Variants in TOR1AIP2 observed in about 807,000 individuals in gnomAD.
TOR1AIP2 encodes the protein torsin 1A interacting protein 2, also known as torsin-1A-interacting protein 2.
A neutral mutation model predicts 32.6 loss-of-function variants in TOR1AIP2; 20 were observed. The observed-to-expected ratio is 0.61, with a 90% CI of 0.43 to 0.89. The LOEUF is 0.89. Ranked by LOEUF, TOR1AIP2 falls within the 40% of genes least tolerant of loss-of-function variation. The pLI, the probability that TOR1AIP2 is intolerant of heterozygous loss-of-function variation, is 0.00. For synonymous variants in TOR1AIP2, 214 were observed against 210.8 expected, an observed-to-expected ratio of 1.02 and a Z score of -0.13; for missense variants, 456 against 553.8, an observed-to-expected ratio of 0.82 and a Z score of 1.77.
At chr1:179,851,491 T>C (rs560090222) in intron 4 of TOR1AIP2, 128 bp from the exon 5 acceptor site, 2 of 691,264 alleles carry the variant, frequency 2.9e-6, no homozygotes, top group African/African-American at 3.7e-5. Context: ...TCCTAAACAT[T>C]ATTTCTCTTG....
rs1178415273 is a variant in TOR1AIP2 at position 179,877,737 on chromosome 1, G to C, written c.-745C>G. The stretch of plus-strand genomic sequence containing the variant: ...AATCGTAAAACTGTTAGTATCAGGA[G>C]AGCCCTTCGAGTATTCTCTCCGCTC... On this transcript the variant is annotated 5_prime_UTR_variant, in exon 1 of 7. Transcript: ENST00000609928. 1.3e-5 allele frequency: 2 copies of C among 152,134 alleles called. No homozygotes were observed. The highest frequency in any genetic ancestry group is 2.9e-5 in the Non-Finnish European group (2 of 68,040). The allele number at this position is 152,134 out of a possible 1,614,324, so 9.4% of individuals were successfully genotyped here. A position where few individuals can be genotyped will look rare whatever the true frequency, so the allele number is the denominator to read the frequency against.
chr1:179,861,187 G>A (rs1696516022), intron 3 of TOR1AIP2: 15 of 985,304 alleles, frequency 1.5e-5, no homozygotes, highest in Admixed American at 1.2e-4. Context: ...AGAGACGAGT[G>A]TAGCTCACAC....
intron 3 of TOR1AIP2, among the ~76,000 whole-genome samples, chr1:179,853,438 G>A (rs1696188193): frequency 1.3e-5 from 2 of 152,006 alleles, no homozygotes; most frequent in Non-Finnish European, 2.9e-5. Context: ...TACACAAAAG[G>A]AATCAAAATC....
chr1:179,862,319 T>C (rs1696571515), intron 3 of TOR1AIP2: 1 of 984,116 alleles, frequency 1.0e-6, no homozygotes, highest in African/African-American at 1.7e-5. Flanking sequence ...GCAATAATAC[T>C]GATCATAATA....
chr1:179,862,204 A>C (rs1696565066), intron 3 of TOR1AIP2: 1 of 983,360 alleles, frequency 1.0e-6, no homozygotes, highest in Non-Finnish European at 1.2e-6. Context: ...AAAAACAAAA[A>C]CCTTTTCTCT....
At chr1:179,859,124 G>C (rs1696415186) in intron 3 of TOR1AIP2, 10 of 983,646 alleles carry the variant, frequency 1.0e-5, no homozygotes, top group Non-Finnish European at 1.2e-5. Flanking sequence ...CTGGTATCTT[G>C]GCCCTGAAAC....
chr1:179,873,117 T>C (rs1489936065), intron 2 of TOR1AIP2, among the ~76,000 whole-genome samples: 1 of 152,236 alleles, frequency 6.6e-6, no homozygotes, highest in East Asian at 1.9e-4. Context: ...TCTTTACCTG[T>C]CATTTGTGAC....
intron 2 of TOR1AIP2, chr1:179,868,195 C>T (rs1302967047): frequency 6.6e-6 from 1 of 152,242 alleles, no homozygotes; most frequent in Non-Finnish European, 1.5e-5. Flanking sequence ...TATCCCATCC[C>T]CTTAGCCTCA....
At position 179,842,046 on chromosome 1, in the gene TOR1AIP2, C is replaced by G. The variant is rs1190398535; in HGVS notation, c.*4025G>C. ...GGAAACCCCGTCTCTACCAAAAATA[C>G]AAAAATTAGCTGGGCGTGATGGCAC... On this transcript the variant is annotated 3_prime_UTR_variant, in exon 7 of 7. Transcript: ENST00000609928. The G allele has an allele frequency of 6.6e-6, 1 of 152,200 alleles. No individual in the cohort carries two copies. Among genetic ancestry groups the G allele is most frequent in the Non-Finnish European group, 1.5e-5 (1 of 68,066 alleles). 9.4% of individuals were successfully genotyped at this position (152,200 alleles called of 1,614,324 possible). A position where few individuals can be genotyped will look rare whatever the true frequency, so the allele number is the denominator to read the frequency against.
intron 3 of TOR1AIP2, among the ~76,000 whole-genome samples, chr1:179,856,365 G>A (rs1038443406): frequency 1.3e-5 from 2 of 152,138 alleles, no homozygotes; most frequent in African/African-American, 4.8e-5. Context: ...AATCTGCAAA[G>A]GTGCCATCAC....
intron 2 of TOR1AIP2, chr1:179,873,978 C>T (rs1697101361): frequency 6.6e-6 from 1 of 152,202 alleles, no homozygotes; most frequent in East Asian, 1.9e-4. Flanking sequence ...TCTGCTCCCG[C>T]ACTAAATCAG....
chr1:179,843,992 A>AC lies in TOR1AIP2; in HGVS notation c.*2078dup, dbSNP rs1695811200. On this transcript the variant is annotated 3_prime_UTR_variant, in exon 7 of 7. Transcript: ENST00000609928. ...TTATTTTGAAGAGAAATGATGAAAAACCATATTCAACTGAATGAAGAAACA... is the reference window on the plus strand; with the variant it reads ...TTATTTTGAAGAGAAATGATGAAAAACCCATATTCAACTGAATGAAGAAACA... 1 of 152,106 alleles carries AC rather than the reference A, an allele frequency of 6.6e-6. No homozygotes were observed. The highest frequency in any genetic ancestry group is 2.1e-4 in the South Asian group (1 of 4,830). The allele number at this position is 152,106 out of a possible 1,614,324, so 9.4% of individuals were successfully genotyped here.
In TOR1AIP2 at chr1:179,846,302, C is replaced by T. The variant is rs943277313; in HGVS notation, c.1182G>A (p.Leu394=). ...CCTCCTCTAGCAGAACAGTCAGGAC[C>T]AGGGCCACATCTTTAAAGGCAGCAT... ...HENAAFKDVA[L]VLTVLLEEET... Residue 394 remains leucine, a synonymous_variant, in exon 7 of 7, where the codon CTG becomes CTA. Transcript: ENST00000609928. 1 of 1,614,160 alleles carries T rather than the reference C, an allele frequency of 6.2e-7. No homozygotes were observed. The highest frequency in any genetic ancestry group is 1.3e-5 in the African/African-American group (1 of 75,026).
chr1:179,866,605 A>G (rs866336453), intron 2 of TOR1AIP2, among the ~76,000 whole-genome samples: 1 of 151,988 alleles, frequency 6.6e-6, no homozygotes, highest in Non-Finnish European at 1.5e-5. Context: ...GGCTTTCTCC[A>G]TGTTGGTCAG....
In TOR1AIP2 at chr1:179,846,282, TC is replaced by T. The variant is rs1286799774; in HGVS notation, c.1201del (p.Glu401ArgfsTer5). On this transcript the variant is annotated frameshift_variant, in exon 7 of 7. Coordinates refer to ENST00000609928, the MANE Select transcript of TOR1AIP2 (RefSeq NM_001199260.2). LOFTEE classifies it high-confidence loss of function. The part of the protein sequence containing the change: ...DVALVLTVLL[E>X]EETLEASVGP... The stretch of plus-strand genomic sequence containing the variant: ...TACACTTGCTTCTAATGTTTCCTCC[TC>T]TAGCAGAACAGTCAGGACCAGGGCC... The T allele has an allele frequency of 3.1e-6, 5 of 1,614,200 alleles. No homozygotes were observed. Among genetic ancestry groups the T allele is most frequent in the Non-Finnish European group, 3.4e-6 (4 of 1,180,020 alleles).
intron 3 of TOR1AIP2, chr1:179,864,685 A>C: frequency 6.7e-7 from 1 of 1,496,098 alleles, no homozygotes; most frequent in Non-Finnish European, 8.9e-7. Flanking sequence ...AAGTAGTGAC[A>C]ATCTGGGTCA....
intron 3 of TOR1AIP2, chr1:179,862,864 G>T (rs1304563326): frequency 6.6e-6 from 1 of 152,610 alleles, no homozygotes; most frequent in African/African-American, 2.5e-5. Flanking sequence ...GGAGGTGGAG[G>T]TTACAGTAAG....
intron 2 of TOR1AIP2, chr1:179,868,568 G>A (rs1003552055): frequency 6.6e-6 from 1 of 152,126 alleles, no homozygotes; most frequent in Admixed American, 6.5e-5. Context: ...TAGAGAAACT[G>A]CACCTGTACA....
rs143932347 is a variant in TOR1AIP2, at chr1:179,859,838, T to C, written c.-147+5598A>G. On this transcript the variant is annotated intron_variant, in intron 3 of 6. Coordinates refer to ENST00000609928, the MANE Select transcript of TOR1AIP2 (RefSeq NM_001199260.2). ...AGAGATTTAAGAAGTTTTTTGTTTT[T>C]GTTTTTAGATAAAGGGCCTTACTCT... 6.7e-3 allele frequency: 6,600 copies of C among 985,458 alleles called. 36 individuals carry two copies. The highest frequency in any genetic ancestry group is 0.018 in the South Asian group (388 of 21,282). 61.0% of individuals were successfully genotyped at this position (985,458 alleles called of 1,614,324 possible). A position where few individuals can be genotyped will look rare whatever the true frequency, so the allele number is the denominator to read the frequency against.
Sources: allele counts gnomAD v4.1 joint callset (sites outside exome capture counted in the v4.1 genomes callset), GRCh38; gene constraint gnomAD v4.1.1; transcripts MANE v1.5; gene names NCBI Gene and HGNC (gene_info 2026-07-23, HGNC 2026-07-21).